RBM19: variants seen among roughly 807,000 people sequenced by gnomAD.
The protein encoded by RBM19 is probable RNA-binding protein 19.
A neutral mutation model predicts 116.8 loss-of-function variants in RBM19; 94 were observed. The ratio of observed to expected loss-of-function variants is 0.80; its 90% CI spans 0.68 to 0.95. RBM19 has a LOEUF of 0.95. Among genes scored for constraint, RBM19 ranks in the 40% least tolerant of loss-of-function variants. The probability of loss-of-function intolerance (pLI) is 0.00; values close to 1 mark genes in which losing one functional copy is unlikely to be tolerated. For missense variants in RBM19, 1,161 were observed against 1,220.7 expected (o/e 0.95, Z 0.73); for synonymous variants, 475 against 494.1 (o/e 0.96, Z 0.51).
chr12:113,925,710 G>A (rs895207991), intron 17 of RBM19, among the ~76,000 whole-genome samples: 1 of 151,494 alleles, frequency 6.6e-6, no homozygotes, highest in Non-Finnish European at 1.5e-5. Context: ...GTTGCATGAA[G>A]AGACTGAACT....
At chr12:113,900,637 C>T (rs1229174802) in intron 21 of RBM19, among the ~76,000 whole-genome samples, 1 of 152,152 alleles carries the variant, frequency 6.6e-6, no homozygotes, top group Admixed American at 6.5e-5. Flanking sequence ...TTTTTTTCCA[C>T]GTGGAAAATC....
intron 21 of RBM19, among the ~76,000 whole-genome samples, chr12:113,889,274 G>A (rs950039641): frequency 6.6e-6 from 1 of 152,176 alleles, no homozygotes; most frequent in Non-Finnish European, 1.5e-5. Context: ...CCCCTGGCAG[G>A]CAAAGTGCCC....
intron 21 of RBM19, among the ~76,000 whole-genome samples, chr12:113,874,067 T>C (rs921315402): frequency 1.3e-5 from 2 of 152,228 alleles, no homozygotes; most frequent in Non-Finnish European, 2.9e-5. Context: ...CCCAGGCTGC[T>C]TGTCTGCACA....
chr12:113,940,125 G>T lies in RBM19; in HGVS notation c.1773C>A (p.Val591=). 1 of 1,614,096 alleles carries T rather than the reference G, an allele frequency of 6.2e-7. No homozygotes were observed. The highest frequency in any genetic ancestry group is 1.1e-5 in the South Asian group (1 of 91,022). Residue 591 remains valine (V), a synonymous_variant, in exon 15 of 24, where the codon GTC becomes GTA. Transcript: ENST00000261741. ...AAERSKTVIL[V]KNLPAGTLAA... ...CCAGGGTGCCTGCCGGGAGGTTCTT[G>T]ACCAGAATCACAGTCTTGCTTCGCT...
In RBM19 at chr12:113,881,071, G is replaced by A. The variant is rs114818232; in HGVS notation, c.2559-22175C>T. On this transcript the variant is annotated intron_variant, in intron 21 of 23. Coordinates refer to ENST00000261741, the MANE Select transcript of RBM19 (RefSeq NM_016196.4). The stretch of plus-strand genomic sequence containing the variant: ...CCCCTCAATTTGCTTCCTTACACAC[G>A]CAAGGCTTGCCTGAACTGGGGCGCT... 4.5e-3 allele frequency among the ~76,000 whole-genome samples: 689 copies of A among 152,272 alleles called. 9 individuals are homozygous for A. The highest frequency in any genetic ancestry group is 0.016 in the African/African-American group (650 of 41,540).
chr12:113,911,907 GA>G (rs1439619320), intron 21 of RBM19, among the ~76,000 whole-genome samples: 1 of 147,824 alleles, frequency 6.8e-6, no homozygotes, highest in Non-Finnish European at 1.5e-5. Flanking sequence ...AGGGGAAACT[GA>G]AGTCCGAAAA....
rs1289008208 is a variant in RBM19, at chr12:113,872,259, G to A, written c.2559-13363C>T. ...AGGAGCGTCTCTGCCTGGCCGCCCC[G>A]TCTGAGAAGTGAGGAGACCCTCTGC... is the stretch of plus-strand genomic sequence containing the variant. On this transcript the variant is annotated intron_variant, in intron 21 of 23. Coordinates refer to ENST00000261741, the MANE Select transcript of RBM19 (RefSeq NM_016196.4). 4.2e-5 allele frequency among the ~76,000 whole-genome samples: 6 copies of A among 144,130 alleles called. No homozygotes were observed. In the South Asian group the frequency reaches 7.2e-4, roughly 17 times the overall value. 94.6% of individuals were successfully genotyped at this position (144,130 alleles called of 152,430 possible). A position where few individuals can be genotyped will look rare whatever the true frequency, so the allele number is the denominator to read the frequency against.
At chr12:113,926,903 G>T in intron 17 of RBM19, 151 bp downstream of exon 17, 1 of 920,826 alleles carries the variant, frequency 1.1e-6, no homozygotes, top group East Asian at 2.5e-5. Flanking sequence ...GACACCCCAG[G>T]GGAAAGGGTC....
At chr12:113,859,466 T>A (rs1251146751) in intron 21 of RBM19, among the ~76,000 whole-genome samples, 2 of 152,178 alleles carry the variant, frequency 1.3e-5, no homozygotes, top group Non-Finnish European at 2.9e-5. Context: ...GCTACTCCCT[T>A]TAAACCCTGC....
intron 21 of RBM19, among the ~76,000 whole-genome samples, chr12:113,882,691 G>C (rs555478108): frequency 6.6e-6 from 1 of 152,290 alleles, no homozygotes; most frequent in East Asian, 1.9e-4. Context: ...GCTCCAAGGA[G>C]CGGCTTGGGG....
Position 113,823,240 on chromosome 12 carries a change from T to G in RBM19, c.2867A>C (p.Gln956Pro), listed in dbSNP as rs753203751. Reference protein sequence around the residue: ...LEGSDSDSEEQTLQL With the variant: ...LEGSDSDSEEPTLQL The stretch of plus-strand genomic sequence containing the variant: ...GGTGCCAGCTCACAGCTGAAGGGTC[T>G]GCTCCTCGCTGTCGCTGTCACTGCC... Residue 956 changes from glutamine to proline, a missense_variant, in exon 24 of 24, where the codon CAG becomes CCG. Gln to Pro is a moderately conservative substitution (Grantham distance 76, BLOSUM62 -1). Coordinates refer to ENST00000261741, the MANE Select transcript of RBM19 (RefSeq NM_016196.4). 11 of 1,611,296 alleles carry G rather than the reference T, an allele frequency of 6.8e-6. No homozygotes were observed. The highest frequency in any genetic ancestry group is 8.5e-6 in the Non-Finnish European group (10 of 1,179,990).
At chr12:113,842,202 G>A (rs1284964530) in intron 23 of RBM19, among the ~76,000 whole-genome samples, 1 of 152,166 alleles carries the variant, frequency 6.6e-6, no homozygotes, top group Non-Finnish European at 1.5e-5. Flanking sequence ...CAATAGTGCT[G>A]TCTTTGGAAC....
At chr12:113,857,876 A>G (rs1878029866) in intron 22 of RBM19, among the ~76,000 whole-genome samples, 1 of 152,230 alleles carries the variant, frequency 6.6e-6, no homozygotes, top group African/African-American at 2.4e-5. Flanking sequence ...ACTCCAGGAA[A>G]TGTTCACTGT....
At chr12:113,959,820 C>T (rs756494162) in intron 4 of RBM19, 45 bp downstream of exon 4, 164 of 1,609,046 alleles carry the variant, frequency 1.0e-4, no homozygotes, top group Non-Finnish European at 1.3e-4. Context: ...CCTCTTCCAC[C>T]TGCTGCCCAC....
At chr12:113,939,641 T>C (rs546819992) in intron 15 of RBM19, among the ~76,000 whole-genome samples, 20 of 151,398 alleles carry the variant, frequency 1.3e-4, no homozygotes, top group Non-Finnish European at 2.7e-4. Context: ...TCCCAGCTAC[T>C]TGGGAGGCTG....
chr12:113,893,981 G>A (rs1881140502), intron 21 of RBM19, among the ~76,000 whole-genome samples: 1 of 152,208 alleles, frequency 6.6e-6, no homozygotes, highest in African/African-American at 2.4e-5. Flanking sequence ...GCGCAGGCGA[G>A]CAAGGTGGGA....
rs1458624013 is a variant in RBM19, at chr12:113,825,364, C to G, written c.2786-2043G>C. 6.6e-6 allele frequency among the ~76,000 whole-genome samples: 1 copy of G among 152,080 alleles called. No homozygotes were observed. Among genetic ancestry groups the G allele is most frequent in the Non-Finnish European group, 1.5e-5 (1 of 68,000 alleles). ...GCTGGGGTGGTGGGGGCTGGCGGCC[C>G]GGGGCTCGGACTCCGGCTTCCTCTC... On this transcript the variant is annotated intron_variant, in intron 23 of 23. Transcript: ENST00000261741. This position sits in a 1 kb window ranked among gnomAD's most constrained non-coding sequence, Gnocchi z 5.7.
chr12:113,821,703 G>A (rs879537062), downstream of RBM19, among the ~76,000 whole-genome samples: 17 of 152,298 alleles, frequency 1.1e-4, no homozygotes, highest in Non-Finnish European at 1.9e-4. Flanking sequence ...GACCACTTGA[G>A]GCTGCAGTGA....
intron 8 of RBM19, 141 bp from the exon 9 acceptor site, chr12:113,950,295 G>C (rs1871361860): frequency 4.5e-6 from 3 of 664,382 alleles, no homozygotes; most frequent in Non-Finnish European, 7.7e-6. Context: ...AAATACAAAG[G>C]GTCTCCCTCT....
Sources: allele counts gnomAD v4.1 joint callset (sites outside exome capture counted in the v4.1 genomes callset), GRCh38; gene constraint gnomAD v4.1.1; non-coding constraint Gnocchi (gnomAD v3.1); transcripts MANE v1.5; gene names NCBI Gene and HGNC (gene_info 2026-07-23, HGNC 2026-07-21).